FLII: variants seen among roughly 807,000 people sequenced by gnomAD.
FLII encodes FLII actin remodeling protein, also known as protein flightless-1 homolog.
FLII carries 101 observed loss-of-function variants against 156.2 expected under a neutral mutation model. That is an observed-to-expected ratio of 0.65 (90% CI 0.55 to 0.76). The LOEUF is 0.76. Among genes scored for constraint, FLII ranks in the 30% least tolerant of loss-of-function variants. FLII has a pLI of 0.00. For synonymous variants in FLII, 767 were observed against 685.8 expected (o/e 1.12, Z -1.85); for missense variants, 1,675 against 1,682.8 (o/e 1.00, Z 0.08).
At position 18,246,069 on chromosome 17, in the gene FLII, A is replaced by C. The variant is rs762893389; in HGVS notation, c.3268-7T>G. 7.4e-6 allele frequency: 12 copies of C among 1,614,072 alleles called. No individual in the cohort carries two copies. The highest frequency in any genetic ancestry group is 1.6e-4 in the Middle Eastern group (1 of 6,062). ...CCTCACTCTCAAAGGGAACCTGGGGAGTGTGCAGGGGTGGGGGTGTTCGCA... is the reference window on the plus strand; with the variant it reads ...CCTCACTCTCAAAGGGAACCTGGGGCGTGTGCAGGGGTGGGGGTGTTCGCA... On this transcript the variant is annotated splice_region_variant and splice_polypyrimidine_tract_variant and intron_variant, in intron 25 of 29. Coordinates refer to ENST00000327031, the MANE Select transcript of FLII (RefSeq NM_002018.4).
rs763465213 is a variant in FLII at position 18,251,021 on chromosome 17, G to A, written c.1597-4C>T. On this transcript the variant is annotated splice_polypyrimidine_tract_variant and splice_region_variant and intron_variant, in intron 13 of 29. Transcript: ENST00000327031. ...AGCCGCTGTCATCCAGAAAGGTCTGGAAGCCAAGGCACCGGCCACATCAGC... is the reference window on the plus strand; with the variant it reads ...AGCCGCTGTCATCCAGAAAGGTCTGAAAGCCAAGGCACCGGCCACATCAGC... The A allele has an allele frequency of 6.2e-7, 1 of 1,611,892 alleles. No homozygotes were observed. The highest frequency in any genetic ancestry group is 2.2e-5 in the East Asian group (1 of 44,872).
intron 20 of FLII, 118 bp from the exon 21 acceptor site, chr17:18,247,475 G>T: frequency 8.8e-7 from 1 of 1,142,018 alleles, no homozygotes; most frequent in Non-Finnish European, 1.2e-6. Flanking sequence ...GGGAGGCGGG[G>T]CCTCGGACAC....
chr17:18,254,933 G>C, intron 4 of FLII, 79 bp from the exon 5 acceptor site: 6 of 1,430,534 alleles, frequency 4.2e-6, no homozygotes, highest in Non-Finnish European at 4.9e-6. Flanking sequence ...ATCAGGCAGG[G>C]CACTGAGTTG....
intron 22 of FLII, 25 bp from the exon 23 acceptor site, chr17:18,246,853 A>G: frequency 6.2e-7 from 1 of 1,613,868 alleles, no homozygotes; most frequent in Non-Finnish European, 8.5e-7. Flanking sequence ...GGTTGTGAGC[A>G]GGGGCTCGAG....
At chr17:18,248,415 T>C in intron 18 of FLII, 135 bp downstream of exon 18, 1 of 765,946 alleles carries the variant, frequency 1.3e-6, no homozygotes, top group South Asian at 1.8e-5. Context: ...ATACTGTTCC[T>C]TGTCCAGAAG....
At position 18,246,192 on chromosome 17, in the gene FLII, G is replaced by A. The variant is rs1412111421; in HGVS notation, c.3237C>T (p.Leu1079=). The change falls in exon 25 of 30, where the codon CTC becomes CTT. Residue 1079 remains leucine (L), a synonymous_variant. Coordinates refer to ENST00000327031, the MANE Select transcript of FLII (RefSeq NM_002018.4). ...GGATGAAGCAGAACTCGGAGTTGAGGAGGCTGGAGTCGGTGTTGATCTGGA... is the reference window on the plus strand; with the variant it reads ...GGATGAAGCAGAACTCGGAGTTGAGAAGGCTGGAGTCGGTGTTGATCTGGA... ...RCIQINTDSS[L]LNSEFCFILK... 6.2e-6 allele frequency: 10 copies of A among 1,614,040 alleles called. No individual in the cohort carries two copies. The highest frequency in any genetic ancestry group is 7.6e-6 in the Non-Finnish European group (9 of 1,180,038).
chr17:18,250,528 C>T (rs2048226670), intron 14 of FLII, among the ~76,000 whole-genome samples: 1 of 152,182 alleles, frequency 6.6e-6, no homozygotes. Flanking sequence ...ACACCCCTTC[C>T]ACCCTACTCT....
intron 14 of FLII, among the ~76,000 whole-genome samples, chr17:18,249,750 A>C (rs2048202178): frequency 6.6e-6 from 1 of 151,722 alleles, no homozygotes; most frequent in African/African-American, 2.4e-5. Flanking sequence ...AGATTGTGCC[A>C]TTGTACTCCA....
At chr17:18,253,015 T>C (rs1326728855) in intron 9 of FLII, among the ~76,000 whole-genome samples, 2 of 152,162 alleles carry the variant, frequency 1.3e-5, no homozygotes, top group African/African-American at 2.4e-5. Flanking sequence ...CCGGGCGTGG[T>C]AGCGCACGCC....
At position 18,256,593 on chromosome 17, in the gene FLII, T is replaced by C. The variant is rs1275436989; in HGVS notation, c.179A>G (p.His60Arg). The part of the protein sequence containing the change: ...EELAALQKLE[H>R]LSVSHNNLTT... ...CAGGTTGTTGTGGCTCACAGACAAG[T>C]GTTCCTGGGCCGGAATGGGGAGCAC... Residue 60 changes from histidine (H) to arginine (R), a missense_variant, in exon 3 of 30, where the codon CAC becomes CGC. By Grantham distance (29) the His-to-Arg change is conservative (BLOSUM62 0). Transcript: ENST00000327031. 1 of 1,551,402 alleles carries C rather than the reference T, an allele frequency of 6.4e-7. No individual in the cohort carries two copies. The highest frequency in any genetic ancestry group is 1.4e-5 in the African/African-American group (1 of 73,020).
chr17:18,253,302 T>C lies in FLII; in HGVS notation c.1012A>G (p.Arg338Gly). 1 of 1,613,846 alleles carries C rather than the reference T, an allele frequency of 6.2e-7. No individual in the cohort carries two copies. Among genetic ancestry groups the C allele is most frequent in the Non-Finnish European group, 8.5e-7 (1 of 1,180,022 alleles). Reference protein sequence around the residue: ...NLELVPESLCRCPKLRKLVLN... With the variant: ...NLELVPESLCGCPKLRKLVLN... ...GCTAGCCCCAGCCCTGCCCAGCACCTGCAGAGACTTTCAGGGACCAGCTCC... is the reference window on the plus strand; with the variant it reads ...GCTAGCCCCAGCCCTGCCCAGCACCCGCAGAGACTTTCAGGGACCAGCTCC... The change falls in exon 9 of 30, where the codon AGG (arginine) becomes GGG (glycine). Residue 338 changes from arginine to glycine, a missense_variant and splice_region_variant. Arg to Gly is a moderately radical substitution (Grantham distance 125). Coordinates refer to ENST00000327031, the MANE Select transcript of FLII (RefSeq NM_002018.4).
intron 3 of FLII, among the ~76,000 whole-genome samples, chr17:18,255,562 G>C (rs551440309): frequency 2.0e-5 from 3 of 152,200 alleles, no homozygotes; most frequent in Admixed American, 2.0e-4. Context: ...GGTGAGATAG[G>C]GGTAAGGTCT....
intron 18 of FLII, 57 bp downstream of exon 18, chr17:18,248,493 C>T (rs1023387083): frequency 1.2e-5 from 18 of 1,511,970 alleles, no homozygotes; most frequent in Middle Eastern, 1.8e-4. Flanking sequence ...GTAGTCCATT[C>T]CCCCAGTCGG....
chr17:18,252,479 T>A lies in FLII; in HGVS notation c.1091A>T (p.Glu364Val), dbSNP rs61741784. 4,739 of 1,613,562 alleles carry A rather than the reference T, an allele frequency of 2.9e-3. 15 individuals carry two copies. The highest frequency in any genetic ancestry group is 7.9e-3 in the African/African-American group (596 of 75,034). Residue 364 changes from glutamate to valine, a missense_variant, in exon 10 of 30, where the codon GAG (glutamate) becomes GTG (valine). Glu to Val is a moderately radical substitution (Grantham distance 121). This residue lies in a region of FLII where 1,332 missense variants were observed against 1,269.3 expected (regional missense o/e 1.05). Coordinates refer to ENST00000327031, the MANE Select transcript of FLII (RefSeq NM_002018.4). ...TLPEAIHFLT[E>V]IEVLDVRENP... ...AAACCCAGCATGCCTGACCTCGATC[T>A]CCGTCAGGAAATGGATGGCTTCTGG...
upstream of FLII, chr17:18,258,812 T>G: frequency 1.8e-6 from 1 of 548,368 alleles, no homozygotes; most frequent in Non-Finnish European, 2.6e-6. This position sits in a 1 kb window ranked among gnomAD's most constrained non-coding sequence, Gnocchi z 4.2. Context: ...CCCGCCGCAT[T>G]CCGCGGGGAA....
rs750841385 is a variant in FLII at position 18,255,212 on chromosome 17, T to A, written c.298A>T (p.Ile100Phe). The change falls in exon 4 of 30, where the codon ATC (isoleucine) becomes TTC (phenylalanine). Residue 100 changes from isoleucine to phenylalanine, a missense_variant. Transcript: ENST00000327031. ...ACTGAGAGATCATCTAGCTTGAAGA[T>A]GTCATCGGGGACTCCGGAATTCTTC... Reference protein sequence around the residue: ...SLKNSGVPDDIFKLDDLSVLD... With the variant: ...SLKNSGVPDDFFKLDDLSVLD... 4 of 1,613,958 alleles carry A rather than the reference T, an allele frequency of 2.5e-6. No homozygotes were observed. In the Admixed American group the frequency reaches 6.7e-5, roughly 27 times the overall value.
intron 17 of FLII, 39 bp downstream of exon 17, chr17:18,248,761 C>T: frequency 6.2e-7 from 1 of 1,613,978 alleles, no homozygotes. Context: ...GGCTCACACC[C>T]CTTTCCTTCA....
In FLII at chr17:18,249,120, G is replaced by A. The variant is rs1421259835; in HGVS notation, c.1934+7C>T. ...AAGCACCCCCACCTCACATTGTTGG[G>A]GCTCACCTTGGGTCCAGAGAGGTCC... On this transcript the variant is annotated splice_region_variant and intron_variant, in intron 16 of 29. Transcript: ENST00000327031. 17 of 1,613,090 alleles carry A rather than the reference G, an allele frequency of 1.1e-5. No individual in the cohort carries two copies. The highest frequency in any genetic ancestry group is 1.4e-5 in the Non-Finnish European group (17 of 1,179,336).
intron 3 of FLII, among the ~76,000 whole-genome samples, chr17:18,255,560 A>AG: frequency 1.3e-5 from 2 of 152,294 alleles, no homozygotes; most frequent in South Asian, 4.1e-4. Context: ...AAGGTGAGAT[A>AG]GGGGTAAGGT....
Sources: allele counts gnomAD v4.1 joint callset (sites outside exome capture counted in the v4.1 genomes callset), GRCh38; gene constraint gnomAD v4.1.1; regional missense constraint gnomAD v4.1.1; non-coding constraint Gnocchi (gnomAD v3.1); transcripts MANE v1.5; gene names NCBI Gene and HGNC (gene_info 2026-07-23, HGNC 2026-07-21).